Variants in CALCOCO1 observed in about 807,000 individuals in gnomAD.
The protein encoded by CALCOCO1 is calcium-binding and coiled-coil domain-containing protein 1.
CALCOCO1 carries 44 observed loss-of-function variants against 86.3 expected under a neutral mutation model. That is an observed-to-expected ratio of 0.51 (90% CI 0.40 to 0.66). CALCOCO1 has a LOEUF of 0.66. Among genes scored for constraint, CALCOCO1 ranks in the 30% least tolerant of loss-of-function variants. The probability of loss-of-function intolerance (pLI) is 0.00; values close to 1 mark genes in which losing one functional copy is unlikely to be tolerated. For synonymous variants in CALCOCO1, 297 were observed against 327.6 expected, an observed-to-expected ratio of 0.91 and a Z score of 1.01; for missense variants, 708 against 851.1, an observed-to-expected ratio of 0.83 and a Z score of 2.09.
chr12:53,711,865 G>C lies in CALCOCO1; in HGVS notation c.*79C>G. 1.6e-6 allele frequency: 2 copies of C among 1,240,078 alleles called. No homozygotes were observed. The highest frequency in any genetic ancestry group is 2.2e-6 in the Non-Finnish European group (2 of 922,922). The allele number at this position is 1,240,078 out of a possible 1,614,324, so 76.8% of individuals were successfully genotyped here. On this transcript the variant is annotated 3_prime_UTR_variant, in exon 15 of 15. Transcript: ENST00000550804. ...TGGAGCCCAGTGTGATAGAAAATGG[G>C]CATGAAACCTAAGTGTATGCATGTG...
Position 53,714,228 on chromosome 12 carries a change from T to C in CALCOCO1, c.1496A>G (p.Tyr499Cys), listed in dbSNP as rs1235335693. The C allele has an allele frequency of 3.1e-6, 5 of 1,612,946 alleles. No homozygotes were observed. Among genetic ancestry groups the C allele is most frequent in the Non-Finnish European group, 3.4e-6 (4 of 1,179,380 alleles). The stretch of plus-strand genomic sequence containing the variant: ...CAGGCGGGCCTCTAGCTTTCTCATG[T>C]ACTCTAGCAATTCCTGGAATTGGGA... Reference protein sequence around the residue: ...LQEEKQELLEYMRKLEARLEK... With the variant: ...LQEEKQELLECMRKLEARLEK... The change falls in exon 12 of 15, where the codon TAC (tyrosine) becomes TGC (cysteine). Residue 499 changes from tyrosine (Y) to cysteine (C), a missense_variant. Physicochemically the swap from Tyr to Cys is radical, Grantham distance 194 (BLOSUM62 -2). Transcript: ENST00000550804.
At chr12:53,721,359 G>T in intron 6 of CALCOCO1, 108 bp downstream of exon 6, 1 of 1,005,124 alleles carries the variant, frequency 9.9e-7, no homozygotes, top group South Asian at 1.7e-5. Context: ...GAGAGGGAAA[G>T]AGAAAGCGTG....
At chr12:53,724,784 G>T (rs1489459666) in intron 2 of CALCOCO1, 37 bp from the exon 3 acceptor site, 2 of 1,519,622 alleles carry the variant, frequency 1.3e-6, no homozygotes, top group East Asian at 2.3e-5. Context: ...GTATGGTCAT[G>T]GAACTACCTT....
chr12:53,713,954 G>A, intron 12 of CALCOCO1, 54 bp from the exon 13 acceptor site: 1 of 1,474,086 alleles, frequency 6.8e-7, no homozygotes, highest in Non-Finnish European at 9.2e-7. Flanking sequence ...TGAGGAGTTG[G>A]ACCAGCTGTC....
intron 13 of CALCOCO1, 21 bp from the exon 14 acceptor site, chr12:53,713,227 G>A: frequency 6.2e-7 from 1 of 1,603,010 alleles, no homozygotes; most frequent in Non-Finnish European, 8.5e-7. Flanking sequence ...AAGAGACAGG[G>A]TTGGGCTTTG....
At chr12:53,724,029 TTTTTA>T (rs747513115) in intron 3 of CALCOCO1, 32 of 521,820 alleles carry the variant, frequency 6.1e-5, no homozygotes, top group Non-Finnish European at 1.0e-4. Context: ...GTGGTAACAC[TTTTTA>T]TTTTATTTTA....
At chr12:53,713,237 G>A in intron 13 of CALCOCO1, 31 bp from the exon 14 acceptor site, 1 of 1,589,744 alleles carries the variant, frequency 6.3e-7, no homozygotes, top group Non-Finnish European at 8.6e-7. Flanking sequence ...GTTGGGCTTT[G>A]GGGTGGTGTC....
At chr12:53,717,400 A>C (rs1239600084) in intron 7 of CALCOCO1, among the ~76,000 whole-genome samples, 2 of 152,196 alleles carry the variant, frequency 1.3e-5, no homozygotes, top group Non-Finnish European at 2.9e-5. Context: ...TGCTTGAAAA[A>C]TCATCAAAGC....
intron 10 of CALCOCO1, 59 bp from the exon 11 acceptor site, chr12:53,714,752 C>A: frequency 7.8e-7 from 1 of 1,279,098 alleles, no homozygotes; most frequent in Non-Finnish European, 1.1e-6. Flanking sequence ...AGAACCTGGA[C>A]TCTGGGACCA....
chr12:53,721,377 G>T, intron 6 of CALCOCO1, 90 bp downstream of exon 6: 2 of 1,195,064 alleles, frequency 1.7e-6, no homozygotes, highest in South Asian at 1.6e-5. Flanking sequence ...GTGTGAGGCA[G>T]ACAGCAGGTC....
rs566766597 is a variant in CALCOCO1 at position 53,720,503 on chromosome 12, T to G, written c.759-674A>C. On this transcript the variant is annotated intron_variant, in intron 6 of 14. Coordinates refer to ENST00000550804, the MANE Select transcript of CALCOCO1 (RefSeq NM_020898.3). ...CATAGTTGTTGACCTCTGGTCTAGATAGCCCCTAATCTTTTCCAGATGCTC... is the reference window on the plus strand; with the variant it reads ...CATAGTTGTTGACCTCTGGTCTAGAGAGCCCCTAATCTTTTCCAGATGCTC... Among the ~76,000 whole-genome samples the G allele has an allele frequency of 1.8e-4, 28 of 152,352 alleles. No individual in the cohort carries two copies. In the South Asian group the frequency reaches 5.2e-3, roughly 28 times the overall value.
chr12:53,713,298 G>T, intron 13 of CALCOCO1, 92 bp from the exon 14 acceptor site: 1 of 1,049,066 alleles, frequency 9.5e-7, no homozygotes, highest in East Asian at 2.4e-5. Flanking sequence ...AGCAGCCAAG[G>T]CTAGGACAGT....
rs1027193190 is a variant in CALCOCO1 at position 53,711,759 on chromosome 12, G to A, written c.*185C>T. 16 of 502,096 alleles carry A rather than the reference G, an allele frequency of 3.2e-5. No homozygotes were observed. In the East Asian group the frequency reaches 5.4e-4, roughly 17 times the overall value. 31.1% of individuals were successfully genotyped at this position (502,096 alleles called of 1,614,324 possible). A position where few individuals can be genotyped will look rare whatever the true frequency, so the allele number is the denominator to read the frequency against. Reference sequence around the variant, plus strand: ...CAGGACCCCTCCCTGGGACAAAAGAGCCAGGTAGGAGAGGATGAAGTGAGA... The same window carrying A: ...CAGGACCCCTCCCTGGGACAAAAGAACCAGGTAGGAGAGGATGAAGTGAGA... On this transcript the variant is annotated 3_prime_UTR_variant, in exon 15 of 15. Coordinates refer to ENST00000550804, the MANE Select transcript of CALCOCO1 (RefSeq NM_020898.3).
At chr12:53,722,327 G>T in intron 4 of CALCOCO1, 144 bp from the exon 5 acceptor site, 1 of 863,328 alleles carries the variant, frequency 1.2e-6, no homozygotes, top group Non-Finnish European at 1.8e-6. Flanking sequence ...GATGCTCAGT[G>T]TGCTACCGAA....
chr12:53,712,735 G>T, intron 14 of CALCOCO1: 2 of 1,149,504 alleles, frequency 1.7e-6, no homozygotes, highest in Non-Finnish European at 2.3e-6. Flanking sequence ...TGGGGGCCAT[G>T]GTCACCTCCC....
chr12:53,718,840 CTTTT>C (rs35114054), intron 7 of CALCOCO1, among the ~76,000 whole-genome samples: 4 of 75,636 alleles, frequency 5.3e-5, no homozygotes, highest in Non-Finnish European at 7.2e-5. Context: ...ATGGCCCTCC[CTTTT>C]TTTTTTTTTT....
At chr12:53,716,107 A>C (rs1945718246) in intron 8 of CALCOCO1, 60 bp from the exon 9 acceptor site, 1 of 1,600,936 alleles carries the variant, frequency 6.2e-7, no homozygotes, top group South Asian at 1.1e-5. Flanking sequence ...TCAGCCAGGG[A>C]GGTAAACGCT....
rs751725926 is a variant in CALCOCO1, at chr12:53,715,212, C to T, written c.1374G>A (p.Lys458=). 6.2e-7 allele frequency: 1 copy of T among 1,614,170 alleles called. No individual in the cohort carries two copies. The highest frequency in any genetic ancestry group is 8.5e-7 in the Non-Finnish European group (1 of 1,180,010). The stretch of plus-strand genomic sequence containing the variant: ...CTGGATGCCTCACCAGGCTAGAATC[C>T]TTCTCCCGGGCCAGCTCAGTCTTGA... ...QVFKTELARE[K]DSSLVQLSES... The change falls in exon 10 of 15, where the codon AAG becomes AAA. Residue 458 remains lysine (K), a synonymous_variant. Coordinates refer to ENST00000550804, the MANE Select transcript of CALCOCO1 (RefSeq NM_020898.3).
intron 3 of CALCOCO1, 193 bp downstream of exon 3, chr12:53,724,452 A>G: frequency 3.5e-6 from 2 of 572,410 alleles, no homozygotes; most frequent in Non-Finnish European, 3.2e-6. Flanking sequence ...TTCTGTTTCT[A>G]TGTCCCTGAT....
Sources: allele counts gnomAD v4.1 joint callset (sites outside exome capture counted in the v4.1 genomes callset), GRCh38; gene constraint gnomAD v4.1.1; transcripts MANE v1.5; gene names NCBI Gene and HGNC (gene_info 2026-07-23, HGNC 2026-07-21).